RABGAP1L: variants seen among roughly 807,000 people sequenced by gnomAD.
The protein encoded by RABGAP1L is rab GTPase-activating protein 1-like.
A neutral mutation model predicts 137.7 loss-of-function variants in RABGAP1L; 63 were observed. The observed-to-expected ratio is 0.46, with a 90% CI of 0.37 to 0.56. The LOEUF (loss-of-function observed/expected upper bound fraction) is 0.56. Among genes scored for constraint, RABGAP1L ranks in the 20% least tolerant of loss-of-function variants. The probability of loss-of-function intolerance (pLI) is 0.00; values close to 1 mark genes in which losing one functional copy is unlikely to be tolerated. For missense variants in RABGAP1L, 1,095 were observed against 1,244.0 expected (o/e 0.88, Z 1.80); for synonymous variants, 431 against 433.7 (o/e 0.99, Z 0.08).
At chr1:174,778,106 G>A (rs1359898038) in intron 18 of RABGAP1L, among the ~76,000 whole-genome samples, 1 of 152,078 alleles carries the variant, frequency 6.6e-6, no homozygotes, top group African/African-American at 2.4e-5. Flanking sequence ...CTACATCAAG[G>A]CGTGTTATGA....
chr1:174,661,471 T>C (rs1424970099), intron 14 of RABGAP1L, among the ~76,000 whole-genome samples: 2 of 152,154 alleles, frequency 1.3e-5, no homozygotes, highest in Non-Finnish European at 2.9e-5. Flanking sequence ...TTATTTAGAG[T>C]CAATTTTTTA....
At chr1:174,506,329 A>G (rs1278900087) in intron 13 of RABGAP1L, among the ~76,000 whole-genome samples, 1 of 152,222 alleles carries the variant, frequency 6.6e-6, no homozygotes, top group African/African-American at 2.4e-5. Context: ...TGGCAGAGAT[A>G]AATAGTCAGA....
chr1:174,476,996 C>G (rs901686961), intron 13 of RABGAP1L, among the ~76,000 whole-genome samples: 2 of 152,058 alleles, frequency 1.3e-5, no homozygotes, highest in African/African-American at 4.8e-5. Context: ...CAGCTGGGGC[C>G]CTCTGAAACA....
At chr1:174,258,265 T>C (rs1018884463) in intron 7 of RABGAP1L, among the ~76,000 whole-genome samples, 1 of 152,204 alleles carries the variant, frequency 6.6e-6, no homozygotes, top group Non-Finnish European at 1.5e-5. Flanking sequence ...GTGGCAGCCT[T>C]ACCAAGAAAA....
At position 174,994,789 on chromosome 1, in the gene RABGAP1L, A is replaced by C. The variant is rs1048162438; in HGVS notation, c.*4788A>C. ...GTTCAAATGAGGGACAAAGTTTCTCAGTCAGCCCCACTTCCTTTCTTTCTA... is the reference window on the plus strand; with the variant it reads ...GTTCAAATGAGGGACAAAGTTTCTCCGTCAGCCCCACTTCCTTTCTTTCTA... On this transcript the variant is annotated 3_prime_UTR_variant, in exon 26 of 26. Transcript: ENST00000681986. The C allele has an allele frequency of 1.3e-5, 2 of 152,236 alleles. No homozygotes were observed. The highest frequency in any genetic ancestry group is 4.8e-5 in the African/African-American group (2 of 41,470). 9.4% of individuals were successfully genotyped at this position (152,236 alleles called of 1,614,324 possible).
chr1:174,439,425 A>C (rs955541620), intron 13 of RABGAP1L, among the ~76,000 whole-genome samples: 5 of 152,214 alleles, frequency 3.3e-5, no homozygotes. Flanking sequence ...CACTTAGACC[A>C]AGTTGCTTTA....
intron 17 of RABGAP1L, among the ~76,000 whole-genome samples, chr1:174,749,770 G>A (rs1684192199): frequency 6.6e-6 from 1 of 152,134 alleles, no homozygotes; most frequent in East Asian, 1.9e-4. Context: ...ATCTCTTCAG[G>A]ATCAGAAAGT....
At chr1:174,461,277 A>G (rs994514396) in intron 13 of RABGAP1L, among the ~76,000 whole-genome samples, 1 of 152,186 alleles carries the variant, frequency 6.6e-6, no homozygotes, top group African/African-American at 2.4e-5. Flanking sequence ...GTTTGTGAAC[A>G]TCAAGATTTC....
intron 11 of RABGAP1L, among the ~76,000 whole-genome samples, chr1:174,362,720 G>A (rs1684253817): frequency 6.6e-6 from 1 of 152,144 alleles, no homozygotes; most frequent in Non-Finnish European, 1.5e-5. Context: ...CTCCCATTCT[G>A]TAAATTGTCT....
At chr1:174,478,043 C>CTA (rs1242897919) in intron 13 of RABGAP1L, among the ~76,000 whole-genome samples, 1 of 151,032 alleles carries the variant, frequency 6.6e-6, no homozygotes, top group Non-Finnish European at 1.5e-5. Context: ...TAAGTTTGTA[C>CTA]TATGTACATA....
intron 15 of RABGAP1L, among the ~76,000 whole-genome samples, chr1:174,688,164 T>C (rs1319860694): frequency 6.6e-6 from 1 of 152,148 alleles, no homozygotes; most frequent in Non-Finnish European, 1.5e-5. Flanking sequence ...AATTTCATAA[T>C]CATGATATTA....
intron 13 of RABGAP1L, chr1:174,449,295 A>G: frequency 9.7e-7 from 1 of 1,031,544 alleles, no homozygotes; most frequent in African/African-American, 1.6e-5. Context: ...ATTTACTTGA[A>G]TAGTTGACTG....
At chr1:174,979,653 T>G (rs1452000195) in intron 23 of RABGAP1L, among the ~76,000 whole-genome samples, 1 of 152,238 alleles carries the variant, frequency 6.6e-6, no homozygotes, top group Non-Finnish European at 1.5e-5. Flanking sequence ...GGCCTTCCCC[T>G]CTGCAGGCCA....
intron 13 of RABGAP1L, among the ~76,000 whole-genome samples, chr1:174,631,823 C>T (rs919579903): frequency 1.1e-4 from 17 of 151,014 alleles, no homozygotes; most frequent in Non-Finnish European, 2.1e-4. Flanking sequence ...ATACAGCACA[C>T]TGATGGGTCC....
At position 174,429,754 on chromosome 1, in the gene RABGAP1L, A is replaced by T. The variant is rs566696115; in HGVS notation, c.1710+35609A>T. Among the ~76,000 whole-genome samples the T allele has an allele frequency of 1.1e-3, 162 of 152,000 alleles. 1 individual carries two copies. The highest frequency in any genetic ancestry group is 0.01 in the Middle Eastern group (3 of 294). ...GACTCCATCTCAAAAAAAAAAAATA[A>T]AAATAAAAATAAAGATAAACCAGTG... On this transcript the variant is annotated intron_variant, in intron 13 of 25. Coordinates refer to ENST00000681986, the MANE Select transcript of RABGAP1L (RefSeq NM_001366446.1).
At chr1:174,307,618 T>C (rs1312457766) in intron 11 of RABGAP1L, among the ~76,000 whole-genome samples, 1 of 152,204 alleles carries the variant, frequency 6.6e-6, no homozygotes, top group African/African-American at 2.4e-5. Context: ...TATTGTTTCA[T>C]CTACATTGAT....
chr1:174,860,793 T>G, intron 19 of RABGAP1L, among the ~76,000 whole-genome samples: 1 of 152,296 alleles, frequency 6.6e-6, no homozygotes, highest in East Asian at 1.9e-4. Context: ...CCCAACCTTA[T>G]TGAGATATAA....
intron 1 of RABGAP1L, among the ~76,000 whole-genome samples, chr1:174,188,114 T>G (rs146644950): frequency 6.6e-6 from 1 of 152,252 alleles, no homozygotes; most frequent in African/African-American, 2.4e-5. Context: ...GGGCAGTAAG[T>G]GTTTAGTGTT....
At chr1:174,894,741 GTTTGTTTTGT>G (rs145077094) in intron 19 of RABGAP1L, among the ~76,000 whole-genome samples, 2 of 151,034 alleles carry the variant, frequency 1.3e-5, no homozygotes, top group Admixed American at 6.6e-5. Context: ...GTTTTTGTTT[GTTTGTTTTGT>G]TTTGTTTTGT....
Sources: gnomAD v4.1 joint callset for allele counts (sites outside exome capture counted in the v4.1 genomes callset) on GRCh38, gnomAD v4.1.1 for gene constraint, MANE v1.5 for transcripts, NCBI Gene and HGNC (gene_info 2026-07-23, HGNC 2026-07-21) for gene names.